Variants in SH3RF1 observed in about 807,000 individuals in gnomAD.
SH3RF1 encodes the protein SH3 domain containing ring finger 1, also known as E3 ubiquitin-protein ligase SH3RF1.
In SH3RF1, 32 loss-of-function variants were observed where a neutral mutation model predicts 74.0. That is an observed-to-expected ratio of 0.43 (90% CI 0.33 to 0.58). The LOEUF is 0.58. Ranked by LOEUF, SH3RF1 falls within the 20% of genes least tolerant of loss-of-function variation. SH3RF1 has a pLI of 0.05. For missense variants in SH3RF1, 954 were observed against 1,130.9 expected, an observed-to-expected ratio of 0.84 and a Z score of 2.24; for synonymous variants, 396 against 439.6, an observed-to-expected ratio of 0.90 and a Z score of 1.24.
Position 169,239,372 on chromosome 4 carries a change from G to A in SH3RF1, c.393+29448C>T, listed in dbSNP as rs192060964. ...ATATTCAGAAAGCCAAGCATACAGA[G>A]AAATAATGAGAGGTTAATGAAGTGA... is the stretch of plus-strand genomic sequence containing the variant. On this transcript the variant is annotated intron_variant, in intron 2 of 11. Transcript: ENST00000284637. Among the ~76,000 whole-genome samples the A allele has an allele frequency of 7.9e-5, 12 of 152,176 alleles. No individual in the cohort carries two copies. In the East Asian group the frequency reaches 2.3e-3, roughly 29 times the overall value.
At chr4:169,218,908 G>A (rs1366485908) in intron 2 of SH3RF1, among the ~76,000 whole-genome samples, 1 of 152,074 alleles carries the variant, frequency 6.6e-6, no homozygotes, top group Non-Finnish European at 1.5e-5. Flanking sequence ...TTCATTCAAG[G>A]TACCTTCAAT....
chr4:169,120,456 T>C (rs1342687472), intron 8 of SH3RF1, among the ~76,000 whole-genome samples: 2 of 152,252 alleles, frequency 1.3e-5, no homozygotes, highest in Non-Finnish European at 1.5e-5. Context: ...GCCTGGCATA[T>C]AGTACGCATT....
At chr4:169,193,900 G>C (rs1734767669) in intron 2 of SH3RF1, among the ~76,000 whole-genome samples, 1 of 152,092 alleles carries the variant, frequency 6.6e-6, no homozygotes, top group African/African-American at 2.4e-5. Context: ...TACTGTTACT[G>C]GTATTCTTTT....
intron 11 of SH3RF1, among the ~76,000 whole-genome samples, chr4:169,106,044 T>A (rs938123345): frequency 6.6e-6 from 1 of 151,876 alleles, no homozygotes; most frequent in East Asian, 1.9e-4. Context: ...TTAATGTTAG[T>A]GTGTATATAT....
chr4:169,107,286 T>C (rs1435685611), intron 10 of SH3RF1, 81 bp from the exon 11 acceptor site: 1 of 1,262,436 alleles, frequency 7.9e-7, no homozygotes, highest in Non-Finnish European at 1.1e-6. Flanking sequence ...TATAGTTCAT[T>C]ACTACTTTTT....
intron 1 of SH3RF1, chr4:169,269,842 G>T (rs1425537953): frequency 6.6e-6 from 1 of 152,168 alleles, no homozygotes; most frequent in African/African-American, 2.4e-5. Context: ...AAATAGAACT[G>T]TTTAATTTTG....
At chr4:169,115,494 A>C (rs188576183) in intron 10 of SH3RF1, among the ~76,000 whole-genome samples, 58 of 152,284 alleles carry the variant, frequency 3.8e-4, no homozygotes, top group Non-Finnish European at 7.1e-4. Flanking sequence ...CCTTATGAGA[A>C]TCTAATGCCT....
chr4:169,168,827 A>G (rs545077874), intron 2 of SH3RF1, among the ~76,000 whole-genome samples: 1 of 152,338 alleles, frequency 6.6e-6, no homozygotes, highest in Non-Finnish European at 1.5e-5. Flanking sequence ...TTTATTCTTG[A>G]TGATTTTGTC....
chr4:169,117,567 G>A lies in SH3RF1; in HGVS notation c.1733C>T (p.Thr578Met), dbSNP rs753958455. 82 of 1,614,082 alleles carry A rather than the reference G, an allele frequency of 5.1e-5. No homozygotes were observed. The highest frequency in any genetic ancestry group is 6.4e-5 in the Non-Finnish European group (76 of 1,180,054). The change falls in exon 9 of 12, where the codon ACG (threonine) becomes ATG (methionine). Residue 578 changes from threonine (T) to methionine (M), a missense_variant. Around this residue, in one of 3 missense-constraint regions of SH3RF1, gnomAD observed 854 missense variants for 962.5 expected, o/e 0.89. Transcript: ENST00000284637. ...SPQAKVLLHM[T>M]GQMTVNQARN... Reference sequence around the variant, plus strand: ...GGCCTGGTTGACTGTCATTTGCCCCGTCATGTGCAACAAGACCTTAGCCTG... The same window carrying A: ...GGCCTGGTTGACTGTCATTTGCCCCATCATGTGCAACAAGACCTTAGCCTG...
At chr4:169,142,318 T>C (rs1416954016) in intron 4 of SH3RF1, among the ~76,000 whole-genome samples, 2 of 152,222 alleles carry the variant, frequency 1.3e-5, no homozygotes, top group Non-Finnish European at 2.9e-5. Context: ...TGTGTGTATA[T>C]ATTTATGTCT....
At chr4:169,097,175 G>A (rs28434736) in intron 11 of SH3RF1, among the ~76,000 whole-genome samples, 34,267 of 152,114 alleles carry the variant, frequency 0.23, 4,329 homozygotes, top group African/African-American at 0.33. Context: ...AGCACACAGA[G>A]GTCAGGAAGG....
At chr4:169,199,139 A>T (rs1275835072) in intron 2 of SH3RF1, among the ~76,000 whole-genome samples, 3 of 152,240 alleles carry the variant, frequency 2.0e-5, no homozygotes, top group East Asian at 3.8e-4. Context: ...GTAGGAGAGA[A>T]GCAACTGGAG....
intron 6 of SH3RF1, 146 bp from the exon 7 acceptor site, chr4:169,122,412 C>T (rs770537365): frequency 5.3e-5 from 48 of 907,398 alleles, no homozygotes; most frequent in Non-Finnish European, 4.7e-5. Context: ...AATCAGCAGG[C>T]TAACTGATAT....
intron 2 of SH3RF1, among the ~76,000 whole-genome samples, chr4:169,213,405 A>T (rs1377361061): frequency 6.6e-6 from 1 of 152,226 alleles, no homozygotes; most frequent in African/African-American, 2.4e-5. Context: ...AGTTCTTTGT[A>T]CATTGTACAT....
intron 2 of SH3RF1, among the ~76,000 whole-genome samples, chr4:169,212,501 T>A (rs540481498): frequency 6.6e-6 from 1 of 152,324 alleles, no homozygotes; most frequent in African/African-American, 2.4e-5. Context: ...TATATGTTTT[T>A]TCCCTTTTCA....
chr4:169,240,481 G>GA (rs1730890704), intron 2 of SH3RF1, among the ~76,000 whole-genome samples: 2 of 152,090 alleles, frequency 1.3e-5, no homozygotes, highest in Admixed American at 6.5e-5. Context: ...TACAGAGCGT[G>GA]AGCCCTTGCA....
At chr4:169,240,325 T>C (rs1006661072) in intron 2 of SH3RF1, among the ~76,000 whole-genome samples, 2 of 151,836 alleles carry the variant, frequency 1.3e-5, no homozygotes, top group African/African-American at 4.8e-5. Context: ...CCTCCTGAGG[T>C]AGCTGGGACC....
At chr4:169,227,060 G>A (rs1310734920) in intron 2 of SH3RF1, among the ~76,000 whole-genome samples, 1 of 151,944 alleles carries the variant, frequency 6.6e-6, no homozygotes, top group African/African-American at 2.4e-5. Flanking sequence ...TAAATACTCG[G>A]GAGGCTGAGG....
At chr4:169,177,982 C>G (rs1431630114) in intron 2 of SH3RF1, among the ~76,000 whole-genome samples, 1 of 151,790 alleles carries the variant, frequency 6.6e-6, no homozygotes, top group Admixed American at 6.6e-5. Flanking sequence ...TGGTTGGGCA[C>G]GGTGGCTCAT....
Sources: gnomAD v4.1 joint callset for allele counts (sites outside exome capture counted in the v4.1 genomes callset) on GRCh38, gnomAD v4.1.1 for gene constraint, gnomAD v4.1.1 regional missense constraint, MANE v1.5 for transcripts, NCBI Gene and HGNC (gene_info 2026-07-23, HGNC 2026-07-21) for gene names.